Variants in ROBO2 observed in about 807,000 individuals in gnomAD.
ROBO2 encodes the protein roundabout guidance receptor 2, also known as roundabout homolog 2.
In ROBO2, 53 loss-of-function variants were observed where a neutral mutation model predicts 160.8. That is an observed-to-expected ratio of 0.33 (90% CI 0.26 to 0.41). The LOEUF is 0.41. ROBO2 is among the 10% of genes least tolerant of loss of function. ROBO2 has a pLI of 1.00. For synonymous variants in ROBO2, 664 were observed against 611.7 expected (o/e 1.09, Z -1.26); for missense variants, 1,577 against 1,722.4 (o/e 0.92, Z 1.49).
intron 2 of ROBO2, among the ~76,000 whole-genome samples, chr3:77,311,158 T>C (rs550499299): frequency 6.6e-6 from 1 of 152,240 alleles, no homozygotes; most frequent in South Asian, 2.1e-4. Flanking sequence ...ATTTCTAATG[T>C]TTTCTTTTTC....
intron 2 of ROBO2, among the ~76,000 whole-genome samples, chr3:77,438,663 G>A (rs2153550465): frequency 6.6e-6 from 1 of 151,924 alleles, no homozygotes; most frequent in African/African-American, 2.4e-5. Flanking sequence ...TATTATATAT[G>A]TGCTTACTAG....
At chr3:76,968,617 A>AT (rs1338468177) in intron 2 of ROBO2, among the ~76,000 whole-genome samples, 1 of 152,086 alleles carries the variant, frequency 6.6e-6, no homozygotes, top group Admixed American at 6.6e-5. Context: ...GTGTCCTACA[A>AT]TTTTTTATTT....
chr3:77,364,086 G>T (rs565709067), intron 2 of ROBO2, among the ~76,000 whole-genome samples: 1 of 152,150 alleles, frequency 6.6e-6, no homozygotes, highest in South Asian at 2.1e-4. Context: ...GCCAGCAGGG[G>T]CTGACATCTT....
intron 2 of ROBO2, among the ~76,000 whole-genome samples, chr3:76,006,956 A>G (rs2066036707): frequency 6.6e-6 from 1 of 152,082 alleles, no homozygotes; most frequent in African/African-American, 2.4e-5. Flanking sequence ...AAGTATTAAT[A>G]CTATGTTCAA....
At chr3:76,712,974 G>T (rs2093323616) in intron 2 of ROBO2, among the ~76,000 whole-genome samples, 1 of 152,152 alleles carries the variant, frequency 6.6e-6, no homozygotes, top group African/African-American at 2.4e-5. Flanking sequence ...TTCACAAGGA[G>T]TAAGGACATA....
At chr3:76,219,468 C>T (rs1379661177) in intron 2 of ROBO2, among the ~76,000 whole-genome samples, 2 of 152,116 alleles carry the variant, frequency 1.3e-5, no homozygotes, top group Admixed American at 6.6e-5. Flanking sequence ...TGAACTCAAA[C>T]AAATTTACAA....
At chr3:76,901,255 A>T in intron 2 of ROBO2, among the ~76,000 whole-genome samples, 1 of 152,016 alleles carries the variant, frequency 6.6e-6, no homozygotes, top group African/African-American at 2.4e-5. Flanking sequence ...TACATATTTA[A>T]CTTTTAATTT....
chr3:76,945,128 T>C (rs2078446924), intron 2 of ROBO2, among the ~76,000 whole-genome samples: 1 of 152,064 alleles, frequency 6.6e-6, no homozygotes, highest in African/African-American at 2.4e-5. Flanking sequence ...GACCTCGTGA[T>C]CCGCCCGCCT....
At chr3:77,217,366 C>A (rs1029064737) in intron 2 of ROBO2, among the ~76,000 whole-genome samples, 1 of 152,292 alleles carries the variant, frequency 6.6e-6, no homozygotes, top group East Asian at 1.9e-4. Context: ...TAGTCTCAAA[C>A]TCCTGGCCTC....
At chr3:76,986,410 T>A (rs2149350866) in intron 2 of ROBO2, among the ~76,000 whole-genome samples, 1 of 152,232 alleles carries the variant, frequency 6.6e-6, no homozygotes, top group Non-Finnish European at 1.5e-5. Flanking sequence ...AACATGAGTT[T>A]CACCAAAAAT....
chr3:76,149,041 C>G (rs1241986031), intron 2 of ROBO2, among the ~76,000 whole-genome samples: 1 of 152,038 alleles, frequency 6.6e-6, no homozygotes, highest in African/African-American at 2.4e-5. Context: ...CCTTAAGCCT[C>G]AATTTTTCTC....
At chr3:76,711,368 A>G (rs2093290410) in intron 2 of ROBO2, among the ~76,000 whole-genome samples, 2 of 152,138 alleles carry the variant, frequency 1.3e-5, no homozygotes, top group Admixed American at 1.3e-4. Flanking sequence ...ACCACCTCCT[A>G]CCAGGCCCCT....
chr3:76,909,747 CA>C (rs1301792428), intron 2 of ROBO2, among the ~76,000 whole-genome samples: 1 of 152,074 alleles, frequency 6.6e-6, no homozygotes, highest in Non-Finnish European at 1.5e-5. Context: ...TTGTTAAAAT[CA>C]AAAGTTAAGA....
intron 2 of ROBO2, among the ~76,000 whole-genome samples, chr3:76,952,446 CT>C (rs1236097602): frequency 6.6e-6 from 1 of 151,990 alleles, no homozygotes; most frequent in African/African-American, 2.4e-5. Flanking sequence ...CCATGCCCAG[CT>C]AATTTTTTGT....
chr3:77,588,382 A>T (rs1175960909), intron 16 of ROBO2, among the ~76,000 whole-genome samples: 1 of 152,120 alleles, frequency 6.6e-6, no homozygotes. Flanking sequence ...CCATGTTAAA[A>T]GTTGTAATTG....
At chr3:76,439,355 A>C (rs1342738611) in intron 2 of ROBO2, among the ~76,000 whole-genome samples, 3 of 59,602 alleles carry the variant, frequency 5.0e-5, no homozygotes, top group Non-Finnish European at 7.7e-5. Flanking sequence ...TGCCCTTAAG[A>C]AATTTAGGAG....
At chr3:76,670,875 G>C (rs2092238064) in intron 2 of ROBO2, among the ~76,000 whole-genome samples, 1 of 149,116 alleles carries the variant, frequency 6.7e-6, no homozygotes, top group South Asian at 2.1e-4. Flanking sequence ...TTTTAAAATT[G>C]GTCATTTTGT....
chr3:76,537,204 C>T (rs769774995), intron 2 of ROBO2, among the ~76,000 whole-genome samples: 42 of 151,938 alleles, frequency 2.8e-4, no homozygotes, highest in Middle Eastern at 3.4e-3. Context: ...TGGGATGAGT[C>T]GCATTGGGAG....
chr3:76,065,091 AT>A (rs2068207465), intron 2 of ROBO2, among the ~76,000 whole-genome samples: 1 of 152,154 alleles, frequency 6.6e-6, no homozygotes, highest in Admixed American at 6.6e-5. Context: ...TGGTTAAAAA[AT>A]ATAATAGCAT....
Sources: allele counts gnomAD v4.1 joint callset (sites outside exome capture counted in the v4.1 genomes callset), GRCh38; gene constraint gnomAD v4.1.1; transcripts MANE v1.5; gene names NCBI Gene and HGNC (gene_info 2026-07-23, HGNC 2026-07-21).